Variants in PLCD4 observed in about 807,000 individuals in gnomAD.
PLCD4 encodes the protein phospholipase C delta 4.
In PLCD4, 63 loss-of-function variants were observed where a neutral mutation model predicts 90.2. The ratio of observed to expected loss-of-function variants is 0.70; its 90% CI spans 0.57 to 0.86. The LOEUF is 0.86. PLCD4 is among the 40% of genes least tolerant of loss of function. The pLI, the probability that PLCD4 is intolerant of heterozygous loss-of-function variation, is 0.00. For missense variants in PLCD4, 830 were observed against 956.3 expected, an observed-to-expected ratio of 0.87 and a Z score of 1.74; for synonymous variants, 294 against 356.5, an observed-to-expected ratio of 0.82 and a Z score of 1.97.
intron 1 of PLCD4, among the ~76,000 whole-genome samples, chr2:218,608,615 T>C (rs1393788010): frequency 6.6e-6 from 1 of 152,202 alleles, no homozygotes; most frequent in African/African-American, 2.4e-5. Context: ...GCCTGTGCCA[T>C]TAACTAGCTA....
At position 218,633,715 on chromosome 2, in the gene PLCD4, A is replaced by G. The variant is rs1696529868; in HGVS notation, c.1560A>G (p.Ile520Met). The G allele has an allele frequency of 6.2e-7, 1 of 1,613,852 alleles. No homozygotes were observed. Among genetic ancestry groups the G allele is most frequent in the South Asian group, 1.1e-5 (1 of 91,084 alleles). The change falls in exon 11 of 16, where the codon ATA (isoleucine) becomes ATG (methionine). Residue 520 changes from isoleucine (I) to methionine (M), a missense_variant. Physicochemically the swap from Ile to Met is conservative, Grantham distance 10. Coordinates refer to ENST00000450993, the MANE Select transcript of PLCD4 (RefSeq NM_032726.4). ...AGGAGCACTACCACTTCTACGAGAT[A>G]TCATCTTTCTCTGAAACCAAGGCCA... ...HSKEHYHFYE[I>M]SSFSETKAKR...
intron 6 of PLCD4, among the ~76,000 whole-genome samples, chr2:218,627,421 A>G (rs1357011503): frequency 6.6e-6 from 1 of 151,858 alleles, no homozygotes; most frequent in African/African-American, 2.4e-5. Context: ...TTTTCTCTTT[A>G]GTACTATAGC....
Position 218,622,792 on chromosome 2 carries a change from AT to A in PLCD4, c.689del (p.Phe230SerfsTer35), listed in dbSNP as rs1370946070. On this transcript the variant is annotated frameshift_variant, in exon 6 of 16. Coordinates refer to ENST00000450993, the MANE Select transcript of PLCD4 (RefSeq NM_032726.4). LOFTEE classifies it high-confidence loss of function. The stretch of plus-strand genomic sequence containing the variant: ...AAGCTGACTCTGCTGGAATTTTTGG[AT>A]TTCCTCCAAGAGGAGCAGAAGGAGA... ...GQKLTLLEFLDFLQEEQKERD... is the reference protein window; with the variant it reads ...GQKLTLLEFLXFLQEEQKERD... The A allele has an allele frequency of 6.2e-7, 1 of 1,613,914 alleles. No homozygotes were observed. The highest frequency in any genetic ancestry group is 8.5e-7 in the Non-Finnish European group (1 of 1,179,874).
At position 218,633,680 on chromosome 2, in the gene PLCD4, A is replaced by C; in HGVS notation, c.1525A>C (p.Thr509Pro). 6.2e-7 allele frequency: 1 copy of C among 1,613,654 alleles called. No homozygotes were observed. The highest frequency in any genetic ancestry group is 8.5e-7 in the Non-Finnish European group (1 of 1,179,616). ...YLKSVSFRSFTHSKEHYHFYE... is the reference protein window; with the variant it reads ...YLKSVSFRSFPHSKEHYHFYE... Reference sequence around the variant, plus strand: ...GAAGTCTGTCTCATTCCGCAGCTTCACACATTCAAAGGAGCACTACCACTT... The same window carrying C: ...GAAGTCTGTCTCATTCCGCAGCTTCCCACATTCAAAGGAGCACTACCACTT... Residue 509 changes from threonine to proline, a missense_variant, in exon 11 of 16, where the codon ACA (threonine) becomes CCA (proline). Coordinates refer to ENST00000450993, the MANE Select transcript of PLCD4 (RefSeq NM_032726.4).
intron 7 of PLCD4, 191 bp downstream of exon 7, chr2:218,628,421 A>T (rs1486916002): frequency 1.8e-6 from 1 of 546,004 alleles, no homozygotes; most frequent in Admixed American, 3.1e-5. Flanking sequence ...CTATGGGTCA[A>T]TGGAACTTCT....
At chr2:218,620,302 G>A (rs890314873) in intron 4 of PLCD4, among the ~76,000 whole-genome samples, 6 of 152,066 alleles carry the variant, frequency 3.9e-5, no homozygotes, top group Admixed American at 3.3e-4. Context: ...CCAGGAGTTC[G>A]ACATCAGCCT....
chr2:218,627,406 A>G (rs1696163361), intron 6 of PLCD4, among the ~76,000 whole-genome samples: 2 of 152,090 alleles, frequency 1.3e-5, no homozygotes, highest in Admixed American at 1.3e-4. Flanking sequence ...TGCAGAATAA[A>G]ACGTTTTTCT....
rs779336018 is a variant in PLCD4 at position 218,615,775 on chromosome 2, C to A, written c.22+14C>A. The A allele has an allele frequency of 1.2e-6, 2 of 1,604,734 alleles. No homozygotes were observed. Among genetic ancestry groups the A allele is most frequent in the Non-Finnish European group, 1.7e-6 (2 of 1,175,628 alleles). On this transcript the variant is annotated intron_variant, in intron 2 of 15. Transcript: ENST00000450993. ...TGCTGCAAGACCGTGAGTGCCGGGGCCCCTGCAGGGGAAGAGGCCTTAGTG... is the reference window on the plus strand; with the variant it reads ...TGCTGCAAGACCGTGAGTGCCGGGGACCCTGCAGGGGAAGAGGCCTTAGTG...
chr2:218,624,174 A>G (rs1460473357), intron 6 of PLCD4, among the ~76,000 whole-genome samples: 1 of 152,222 alleles, frequency 6.6e-6, no homozygotes, highest in Non-Finnish European at 1.5e-5. Context: ...GAATGAGGAT[A>G]AGAGATGGGA....
intron 1 of PLCD4, chr2:218,610,078 T>A (rs1218764707): frequency 6.6e-6 from 1 of 151,636 alleles, no homozygotes; most frequent in Non-Finnish European, 1.5e-5. Context: ...GGCCAGGAGT[T>A]TAAAACTAGG....
intron 4 of PLCD4, 126 bp downstream of exon 4, chr2:218,618,933 A>G (rs1447445261): frequency 1.2e-6 from 1 of 842,206 alleles, no homozygotes; most frequent in East Asian, 2.7e-5. Flanking sequence ...TCCAGATGGT[A>G]TGGGCAGGGA....
At chr2:218,618,860 G>A in intron 4 of PLCD4, 53 bp downstream of exon 4, 2 of 1,501,094 alleles carry the variant, frequency 1.3e-6, no homozygotes, top group South Asian at 2.4e-5. Flanking sequence ...TATCCCTGAA[G>A]GAGCCAGATG....
chr2:218,623,140 C>T (rs904362930), intron 6 of PLCD4, among the ~76,000 whole-genome samples: 2 of 152,214 alleles, frequency 1.3e-5, no homozygotes, highest in Admixed American at 6.5e-5. Flanking sequence ...CCATTATGCT[C>T]ATGTTTCCTT....
intron 9 of PLCD4, 111 bp downstream of exon 9, chr2:218,630,913 C>T: frequency 8.5e-7 from 1 of 1,181,022 alleles, no homozygotes; most frequent in Non-Finnish European, 1.2e-6. Context: ...CTCGGATGGA[C>T]CATCTTGCTC....
intron 10 of PLCD4, 116 bp downstream of exon 10, chr2:218,632,428 T>C: frequency 9.5e-7 from 1 of 1,047,978 alleles, no homozygotes; most frequent in Non-Finnish European, 1.3e-6. Flanking sequence ...TGACCCTTCC[T>C]CCCAATGAAG....
intron 8 of PLCD4, 141 bp downstream of exon 8, chr2:218,629,804 T>G (rs568307996): frequency 1.2e-6 from 1 of 859,292 alleles, no homozygotes; most frequent in Admixed American, 2.8e-5. Context: ...AGGCAAATAC[T>G]AAAGGCTGAT....
rs781002146 is a variant in PLCD4, at chr2:218,629,628, G to T, written c.1084G>T (p.Asp362Tyr). The T allele has an allele frequency of 1.2e-6, 2 of 1,613,682 alleles. No individual in the cohort carries two copies. Among genetic ancestry groups the T allele is most frequent in the African/African-American group, 1.3e-5 (1 of 74,900 alleles). The change falls in exon 8 of 16, where the codon GAT (aspartate) becomes TAT (tyrosine). Residue 362 changes from aspartate to tyrosine, a missense_variant. Asp to Tyr is a radical substitution (Grantham distance 160, BLOSUM62 -3). Coordinates refer to ENST00000450993, the MANE Select transcript of PLCD4 (RefSeq NM_032726.4). The part of the protein sequence containing the change: ...HTLTSRILFK[D>Y]VVATVAQYAF... ...CCTGACCTCCCGCATCCTGTTCAAA[G>T]ATGTCGTGGCCACAGTAGCACAGTA... is the stretch of plus-strand genomic sequence containing the variant.
intron 1 of PLCD4, among the ~76,000 whole-genome samples, chr2:218,610,439 C>T (rs1027467965): frequency 3.3e-5 from 5 of 151,800 alleles, no homozygotes; most frequent in African/African-American, 7.3e-5. Context: ...ACCCAGGAGG[C>T]GGAGGTTGCA....
rs560890086 is a variant in PLCD4 at position 218,633,272 on chromosome 2, A to G, written c.1450-333A>G. 2.1e-4 allele frequency: 136 copies of G among 633,404 alleles called. No individual in the cohort carries two copies. The East Asian group carries it at 3.3e-3, about 15-fold the overall frequency. The allele number at this position is 633,404 out of a possible 1,614,324, so 39.2% of individuals were successfully genotyped here. A position where few individuals can be genotyped will look rare whatever the true frequency, so the allele number is the denominator to read the frequency against. On this transcript the variant is annotated intron_variant, in intron 10 of 15. Transcript: ENST00000450993. ...TAATGCCTCTCTGTTTAAATATAAT[A>G]ATAAATTTAAAACCTGTCACCCAGG... is the stretch of plus-strand genomic sequence containing the variant.
Sources: allele counts gnomAD v4.1 joint callset (sites outside exome capture counted in the v4.1 genomes callset), GRCh38; gene constraint gnomAD v4.1.1; transcripts MANE v1.5; gene names NCBI Gene and HGNC (gene_info 2026-07-23, HGNC 2026-07-21).